RFX3: variants seen among roughly 807,000 people sequenced by gnomAD.
The protein encoded by RFX3 is regulatory factor X3.
In RFX3, 14 loss-of-function variants were observed where a neutral mutation model predicts 98.6. The ratio of observed to expected loss-of-function variants is 0.14; its 90% CI spans 0.09 to 0.22. RFX3 has a LOEUF of 0.22. Among genes scored for constraint, RFX3 ranks in the 10% least tolerant of loss-of-function variants. The pLI is 1.00. For synonymous variants in RFX3, 383 were observed against 328.4 expected (o/e 1.17, Z -1.80); for missense variants, 639 against 926.9 (o/e 0.69, Z 4.03).
At chr9:3,428,326 A>G (rs991410003) in intron 1 of RFX3, among the ~76,000 whole-genome samples, 3 of 152,214 alleles carry the variant, frequency 2.0e-5, no homozygotes, top group Non-Finnish European at 4.4e-5. Flanking sequence ...GAGTTGAATG[A>G]ATAGGTAGCG....
chr9:3,278,994 C>A (rs996094405), intron 7 of RFX3, among the ~76,000 whole-genome samples: 1 of 151,816 alleles, frequency 6.6e-6, no homozygotes, highest in Non-Finnish European at 1.5e-5. Flanking sequence ...TACTTTTCAA[C>A]TGGGGCCATA....
At chr9:3,357,209 T>C (rs991177717) in intron 2 of RFX3, among the ~76,000 whole-genome samples, 7 of 152,018 alleles carry the variant, frequency 4.6e-5, no homozygotes, top group African/African-American at 1.7e-4. Flanking sequence ...ATCATTTCAT[T>C]AATAATATGT....
At chr9:3,473,628 C>T (rs1398420205) in intron 1 of RFX3, among the ~76,000 whole-genome samples, 2 of 152,182 alleles carry the variant, frequency 1.3e-5, no homozygotes, top group Non-Finnish European at 2.9e-5. Context: ...ATACTGAAAA[C>T]TCACAGCCTG....
chr9:3,390,161 G>C (rs1840152541), intron 2 of RFX3, among the ~76,000 whole-genome samples: 1 of 152,094 alleles, frequency 6.6e-6, no homozygotes, highest in Non-Finnish European at 1.5e-5. Flanking sequence ...ATTTCATCTT[G>C]AATTATAACT....
intron 1 of RFX3, among the ~76,000 whole-genome samples, chr9:3,525,039 CTGTT>C (rs1037832028): frequency 4.0e-5 from 6 of 151,300 alleles, no homozygotes; most frequent in Non-Finnish European, 7.4e-5. Context: ...GATGTTAAGA[CTGTT>C]TGCCGCACAA....
intron 4 of RFX3, among the ~76,000 whole-genome samples, chr9:3,310,936 T>G (rs1012768799): frequency 6.6e-6 from 1 of 152,144 alleles, no homozygotes; most frequent in Non-Finnish European, 1.5e-5. Context: ...ACTTTCTAAC[T>G]GGAAAAATTT....
chr9:3,518,990 TTTA>T (rs1272903909), intron 1 of RFX3, among the ~76,000 whole-genome samples: 5 of 152,048 alleles, frequency 3.3e-5, no homozygotes, highest in Non-Finnish European at 7.4e-5. Flanking sequence ...GACTAGACTA[TTTA>T]TTATTATTAA....
At chr9:3,415,400 A>G (rs981515610) in intron 1 of RFX3, among the ~76,000 whole-genome samples, 4 of 151,498 alleles carry the variant, frequency 2.6e-5, no homozygotes, top group African/African-American at 7.3e-5. Flanking sequence ...ATTTTCCACC[A>G]CACCTGGCCA....
At chr9:3,387,444 A>AT (rs1437369357) in intron 2 of RFX3, among the ~76,000 whole-genome samples, 2 of 152,258 alleles carry the variant, frequency 1.3e-5, no homozygotes, top group Middle Eastern at 3.4e-3. Flanking sequence ...TAGAGCTCTC[A>AT]TTTTTTAACT....
chr9:3,518,838 A>G (rs1818433587), intron 1 of RFX3, among the ~76,000 whole-genome samples: 1 of 152,222 alleles, frequency 6.6e-6, no homozygotes, highest in Non-Finnish European at 1.5e-5. Context: ...TGGGATTGAC[A>G]AATCATCCCA....
intron 7 of RFX3, among the ~76,000 whole-genome samples, chr9:3,282,877 TC>T (rs1826093642): frequency 6.6e-6 from 1 of 151,762 alleles, no homozygotes; most frequent in Non-Finnish European, 1.5e-5. Flanking sequence ...AATTAAGTGG[TC>T]CTCAGTTTCC....
intron 1 of RFX3, among the ~76,000 whole-genome samples, chr9:3,420,518 G>A (rs1203895594): frequency 6.6e-6 from 1 of 152,124 alleles, no homozygotes; most frequent in Non-Finnish European, 1.5e-5. Context: ...ATTAATAACT[G>A]TATTTTGCAC....
At chr9:3,472,754 G>C (rs917541093) in intron 1 of RFX3, among the ~76,000 whole-genome samples, 1 of 152,100 alleles carries the variant, frequency 6.6e-6, no homozygotes, top group African/African-American at 2.4e-5. Context: ...TGAATACTAG[G>C]CTTATCAAAT....
chr9:3,441,017 A>G (rs1354876780), intron 1 of RFX3, among the ~76,000 whole-genome samples: 1 of 152,200 alleles, frequency 6.6e-6, no homozygotes, highest in Non-Finnish European at 1.5e-5. Flanking sequence ...GAACAAATGG[A>G]TATCCATATT....
chr9:3,502,467 A>G (rs931487640), intron 1 of RFX3, among the ~76,000 whole-genome samples: 1 of 152,184 alleles, frequency 6.6e-6, no homozygotes, highest in Non-Finnish European at 1.5e-5. Flanking sequence ...ATATTTCACA[A>G]TTTTTAGTGA....
intron 1 of RFX3, among the ~76,000 whole-genome samples, chr9:3,475,368 G>A (rs1230615158): frequency 2.0e-5 from 3 of 150,892 alleles, no homozygotes; most frequent in East Asian, 2.0e-4. Flanking sequence ...TAGTGGCCCC[G>A]AATGCCAGGC....
chr9:3,231,841 A>C (rs1289164541), intron 15 of RFX3, among the ~76,000 whole-genome samples: 1 of 152,080 alleles, frequency 6.6e-6, no homozygotes, highest in African/African-American at 2.4e-5. Flanking sequence ...AGGCGGGTGG[A>C]TCACCTGAGG....
At chr9:3,366,488 G>C (rs776090397) in intron 2 of RFX3, among the ~76,000 whole-genome samples, 1 of 152,018 alleles carries the variant, frequency 6.6e-6, no homozygotes, top group Non-Finnish European at 1.5e-5. Context: ...AATGAACTAA[G>C]TTTTCATTTA....
intron 4 of RFX3, among the ~76,000 whole-genome samples, chr9:3,303,292 G>T (rs1028274652): frequency 3.3e-5 from 5 of 151,662 alleles, no homozygotes; most frequent in Admixed American, 2.0e-4. Flanking sequence ...AAGGACTTTG[G>T]TATAACATCT....
Sources: gnomAD v4.1 joint callset for allele counts (sites outside exome capture counted in the v4.1 genomes callset) on GRCh38, gnomAD v4.1.1 for gene constraint, MANE v1.5 for transcripts, NCBI Gene and HGNC (gene_info 2026-07-23, HGNC 2026-07-21) for gene names.